The following HS2ST1 variants were observed in gnomAD, a reference collection of about 807,000 sequenced individuals.
HS2ST1 encodes heparan sulfate 2-O-sulfotransferase 1, also known as 2-O-sulfotransferase.
Under a neutral mutation model 42.9 loss-of-function variants are expected in HS2ST1, and 18 were observed. The observed-to-expected ratio is 0.42, with a 90% CI of 0.29 to 0.62. The LOEUF (loss-of-function observed/expected upper bound fraction) is 0.62. Among genes scored for constraint, HS2ST1 ranks in the 20% least tolerant of loss-of-function variants. The pLI is 0.21. For synonymous variants in HS2ST1, 146 were observed against 152.9 expected, an observed-to-expected ratio of 0.95 and a Z score of 0.33; for missense variants, 334 against 433.8, an observed-to-expected ratio of 0.77 and a Z score of 2.04.
At chr1:87,067,965 T>C (rs1187591800) in intron 1 of HS2ST1, among the ~76,000 whole-genome samples, 4 of 152,320 alleles carry the variant, frequency 2.6e-5, no homozygotes, top group East Asian at 1.9e-4. Flanking sequence ...GTTTTGGTAG[T>C]GTAGCCTTGT....
intron 1 of HS2ST1, among the ~76,000 whole-genome samples, chr1:86,996,607 A>G (rs907382366): frequency 2.0e-5 from 3 of 152,248 alleles, no homozygotes; most frequent in Middle Eastern, 6.8e-3. Flanking sequence ...ATTATCCTAG[A>G]CCTCAGTGAA....
chr1:87,071,402 G>A (rs2027563), intron 1 of HS2ST1, among the ~76,000 whole-genome samples: 117,968 of 152,126 alleles, frequency 0.78, 46,238 homozygotes, highest in East Asian at 0.97. Context: ...GATAAATATA[G>A]TGAGACATGT....
chr1:87,098,347 G>T, intron 5 of HS2ST1: 1 of 985,240 alleles, frequency 1.0e-6, no homozygotes, highest in Non-Finnish European at 1.2e-6. Context: ...AACTGATTTT[G>T]ACTTTAAGAG....
intron 1 of HS2ST1, among the ~76,000 whole-genome samples, chr1:86,991,840 A>T (rs1391644989): frequency 6.6e-6 from 1 of 152,192 alleles, no homozygotes; most frequent in Non-Finnish European, 1.5e-5. Flanking sequence ...ATAGAAGAGG[A>T]TAAAGTATGT....
At chr1:86,961,723 C>T (rs767563994) in intron 1 of HS2ST1, among the ~76,000 whole-genome samples, 1 of 152,060 alleles carries the variant, frequency 6.6e-6, no homozygotes, top group African/African-American at 2.4e-5. Flanking sequence ...ATTTTTTCAT[C>T]ACACTCCAGA....
intron 1 of HS2ST1, among the ~76,000 whole-genome samples, chr1:86,933,211 T>C (rs1056088026): frequency 3.3e-5 from 5 of 152,184 alleles, no homozygotes; most frequent in African/African-American, 1.2e-4. Context: ...GGATCTGTAG[T>C]TTGGTGTCTG....
At chr1:86,981,876 C>G (rs1033081006) in intron 1 of HS2ST1, among the ~76,000 whole-genome samples, 1 of 152,244 alleles carries the variant, frequency 6.6e-6, no homozygotes, top group African/African-American at 2.4e-5. Flanking sequence ...AGTGGGGACT[C>G]TCTGTTGGGG....
At chr1:87,010,272 A>T (rs1649561551) in intron 1 of HS2ST1, among the ~76,000 whole-genome samples, 1 of 151,930 alleles carries the variant, frequency 6.6e-6, no homozygotes, top group Middle Eastern at 3.2e-3. Context: ...CTCCATCCCT[A>T]CTGTTTATGG....
intron 1 of HS2ST1, among the ~76,000 whole-genome samples, chr1:87,059,320 G>A (rs1272001229): frequency 6.6e-6 from 1 of 152,136 alleles, no homozygotes; most frequent in Non-Finnish European, 1.5e-5. Context: ...AGCCAGCTCT[G>A]TCCTTTTAAG....
At chr1:87,037,634 C>G (rs920527198) in intron 1 of HS2ST1, among the ~76,000 whole-genome samples, 25 of 150,526 alleles carry the variant, frequency 1.7e-4, no homozygotes, top group Admixed American at 5.3e-4. Context: ...AATTCTGATC[C>G]TCTGTCTTGT....
intron 1 of HS2ST1, among the ~76,000 whole-genome samples, chr1:86,955,818 C>T (rs1647661749): frequency 6.6e-6 from 1 of 152,102 alleles, no homozygotes; most frequent in African/African-American, 2.4e-5. Context: ...AACCCCCTCT[C>T]TACCAAAAAT....
rs369899814 is a variant in HS2ST1, at chr1:87,017,594, T to G, written c.125-55340T>G. Among the ~76,000 whole-genome samples, 130 of 152,320 alleles carry G rather than the reference T, an allele frequency of 8.5e-4. 6 individuals carry two copies. The South Asian group carries it at 0.027, about 31-fold the overall frequency. On this transcript the variant is annotated intron_variant, in intron 1 of 6. Transcript: ENST00000370550. ...TAAGAGAAGACAGCGGGCACAGTCA[T>G]TCGTCTTTTGTTTCAACAAGAGTAA...
intron 1 of HS2ST1, among the ~76,000 whole-genome samples, chr1:87,028,514 T>C (rs1323888851): frequency 6.6e-6 from 1 of 152,248 alleles, no homozygotes; most frequent in Non-Finnish European, 1.5e-5. Context: ...TCTGTTTTTT[T>C]AAAAGAGCGT....
chr1:86,954,679 C>T (rs1170078434), intron 1 of HS2ST1, among the ~76,000 whole-genome samples: 1 of 152,110 alleles, frequency 6.6e-6, no homozygotes, highest in Non-Finnish European at 1.5e-5. Context: ...TTTTGTTCCA[C>T]TTTCTTCTCA....
At chr1:86,965,854 A>T (rs1316570729) in intron 1 of HS2ST1, among the ~76,000 whole-genome samples, 1 of 152,230 alleles carries the variant, frequency 6.6e-6, no homozygotes, top group Non-Finnish European at 1.5e-5. Context: ...TTATACAAGG[A>T]ATGATATGAA....
At chr1:87,030,502 A>T (rs775630058) in intron 1 of HS2ST1, among the ~76,000 whole-genome samples, 2 of 152,054 alleles carry the variant, frequency 1.3e-5, no homozygotes, top group African/African-American at 4.8e-5. Flanking sequence ...TGTCTCATTC[A>T]TTCATATACA....
intron 1 of HS2ST1, among the ~76,000 whole-genome samples, chr1:86,949,866 A>C (rs1185451723): frequency 6.6e-6 from 1 of 152,232 alleles, no homozygotes; most frequent in Non-Finnish European, 1.5e-5. Flanking sequence ...AAAGGTAGTG[A>C]GATGCAGTTG....
chr1:86,928,177 T>TTTGTTC (rs1660461184), intron 1 of HS2ST1, among the ~76,000 whole-genome samples: 12 of 152,206 alleles, frequency 7.9e-5, no homozygotes, highest in African/African-American at 2.6e-4. Flanking sequence ...ACTTTGATGA[T>TTTGTTC]TAGGGCTATC....
chr1:87,011,647 T>A (rs1467794395), intron 1 of HS2ST1, among the ~76,000 whole-genome samples: 2 of 152,352 alleles, frequency 1.3e-5, no homozygotes, highest in African/African-American at 4.8e-5. Flanking sequence ...TAGGGCATTG[T>A]ATATTGTTAT....
Sources: gnomAD v4.1 joint callset for allele counts (sites outside exome capture counted in the v4.1 genomes callset) on GRCh38, gnomAD v4.1.1 for gene constraint, MANE v1.5 for transcripts, NCBI Gene and HGNC (gene_info 2026-07-23, HGNC 2026-07-21) for gene names.